The following RNF213 variants were observed in gnomAD, a reference collection of about 807,000 sequenced individuals.
The protein encoded by RNF213 is E3 ubiquitin-protein ligase RNF213.
Under a neutral mutation model 514.4 loss-of-function variants are expected in RNF213, and 341 were observed. The ratio of observed to expected loss-of-function variants is 0.66; its 90% CI spans 0.61 to 0.73. RNF213 has a LOEUF of 0.73. Ranked by LOEUF, RNF213 falls within the 30% of genes least tolerant of loss-of-function variation. The pLI, the probability that RNF213 is intolerant of heterozygous loss-of-function variation, is 0.00. For missense variants in RNF213, 5,767 were observed against 6,615.6 expected, an observed-to-expected ratio of 0.87 and a Z score of 4.45; for synonymous variants, 2,655 against 2,658.2, an observed-to-expected ratio of 1.00 and a Z score of 0.04.
Position 80,346,454 on chromosome 17 carries a change from A to G in RNF213, c.8119A>G (p.Ile2707Val), listed in dbSNP as rs767748357. 4 of 1,613,898 alleles carry G rather than the reference A, an allele frequency of 2.5e-6. No individual in the cohort carries two copies. The highest frequency in any genetic ancestry group is 2.5e-6 in the Non-Finnish European group (3 of 1,180,032). The change falls in exon 29 of 68, where the codon ATC becomes GTC. Residue 2707 changes from isoleucine to valine, a missense_variant. Coordinates refer to ENST00000582970, the MANE Select transcript of RNF213 (RefSeq NM_001256071.3). The surrounding 1 kb of genome is among the most constrained non-coding windows in gnomAD (Gnocchi z 8.1). ...LEKKDSYRKA[I>V]ARFFPKPYDD... is the part of the protein sequence containing the mutation. Reference sequence around the variant, plus strand: ...AAAGAAAGACTCATATCGGAAAGCCATCGCCAGGTTCTTTCCGAAACCGTA... The same window carrying G: ...AAAGAAAGACTCATATCGGAAAGCCGTCGCCAGGTTCTTTCCGAAACCGTA...
chr17:80,362,979 G>C (rs1372951376), intron 39 of RNF213, 123 bp from the exon 40 acceptor site: 1 of 953,352 alleles, frequency 1.0e-6, no homozygotes, highest in Non-Finnish European at 1.6e-6. Flanking sequence ...AAACGGGACA[G>C]AATAGCACAC....
chr17:80,309,816 C>T (rs981173266), intron 14 of RNF213, among the ~76,000 whole-genome samples: 1 of 151,902 alleles, frequency 6.6e-6, no homozygotes, highest in East Asian at 1.9e-4. Flanking sequence ...AGTGCAGTGG[C>T]GTGATCTCGG....
At chr17:80,293,927 G>C (rs1199392883) in intron 8 of RNF213, among the ~76,000 whole-genome samples, 1 of 152,134 alleles carries the variant, frequency 6.6e-6, no homozygotes, top group East Asian at 1.9e-4. Flanking sequence ...TGCAGGCCCT[G>C]CTGGGCCCAG....
chr17:80,294,741 T>C lies in RNF213; in HGVS notation c.1493T>C (p.Ile498Thr). ...GSGDWHQYYD[I>T]VYMKPHGRLQ... ...TTAGACTGGCATCAGTACTATGACA[T>C]AGTTTATATGAAGCCTCATGGGAGA... Residue 498 changes from isoleucine (I) to threonine (T), a missense_variant, in exon 9 of 68, where the codon ATA becomes ACA. Physicochemically the swap from Ile to Thr is moderately conservative, Grantham distance 89. Coordinates refer to ENST00000582970, the MANE Select transcript of RNF213 (RefSeq NM_001256071.3). 1 of 1,614,030 alleles carries C rather than the reference T, an allele frequency of 6.2e-7. No homozygotes were observed. Among genetic ancestry groups the C allele is most frequent in the Non-Finnish European group, 8.5e-7 (1 of 1,180,038 alleles).
Position 80,389,929 on chromosome 17 carries a change from C to T in RNF213, c.15285+12C>T. ...TGCGGCTGCACAAAGTAAGTCTGGT[C>T]TCTTCCTCTCTGCTGGACAGAGGGA... is the stretch of plus-strand genomic sequence containing the variant. On this transcript the variant is annotated intron_variant, in intron 66 of 67. Coordinates refer to ENST00000582970, the MANE Select transcript of RNF213 (RefSeq NM_001256071.3). The T allele has an allele frequency of 1.2e-6, 2 of 1,613,998 alleles. No homozygotes were observed. The highest frequency in any genetic ancestry group is 2.2e-5 in the East Asian group (1 of 44,886).
rs984578570 is a variant in RNF213, at chr17:80,264,167, G to A, written c.97+389G>A. The stretch of plus-strand genomic sequence containing the variant: ...TGAAAATTTTCAGTTTCATTTCCTA[G>A]AGAGAGCTCACGGTTTTTCTTCCCC... On this transcript the variant is annotated intron_variant, in intron 2 of 67. Coordinates refer to ENST00000582970, the MANE Select transcript of RNF213 (RefSeq NM_001256071.3). The surrounding 1 kb of genome is among the most constrained non-coding windows in gnomAD (Gnocchi z 5.0). 6.6e-6 allele frequency among the ~76,000 whole-genome samples: 1 copy of A among 152,222 alleles called. No homozygotes were observed. Among genetic ancestry groups the A allele is most frequent in the Non-Finnish European group, 1.5e-5 (1 of 68,042 alleles).
At chr17:80,276,924 GCGTATGCCTGTAATCC>G (rs1324970673) in intron 3 of RNF213, among the ~76,000 whole-genome samples, 1 of 152,018 alleles carries the variant, frequency 6.6e-6, no homozygotes, top group Non-Finnish European at 1.5e-5. Flanking sequence ...GGGCGTGGTG[GCGTATGCCTGTAATCC>G]CAGCTACTTG....
intron 15 of RNF213, among the ~76,000 whole-genome samples, chr17:80,313,965 GTGGAGGTAC>G (rs1177935616): frequency 4.1e-5 from 1 of 24,550 alleles, no homozygotes; most frequent in African/African-American, 1.5e-4. Flanking sequence ...GGAGGTGATG[GTGGAGGTAC>G]TGGAGGTGAT....
chr17:80,324,979 C>T, intron 17 of RNF213, 51 bp from the exon 18 acceptor site: 1 of 1,504,380 alleles, frequency 6.6e-7, no homozygotes, highest in Non-Finnish European at 8.9e-7. Context: ...TATTTCAAAA[C>T]AAACTAATGA....
intron 44 of RNF213, 72 bp from the exon 45 acceptor site, chr17:80,369,430 A>C: frequency 7.2e-7 from 1 of 1,397,306 alleles, no homozygotes; most frequent in Non-Finnish European, 1.0e-6. Context: ...ATGCTGTGCA[A>C]ATCTCAAGTC....
intron 3 of RNF213, among the ~76,000 whole-genome samples, chr17:80,275,889 C>G (rs949896311): frequency 6.6e-6 from 1 of 151,540 alleles, no homozygotes; most frequent in Non-Finnish European, 1.5e-5. Flanking sequence ...GTCTCGATCT[C>G]CTGACCTTGT....
chr17:80,371,961 C>T lies in RNF213; in HGVS notation c.12513C>T (p.Tyr4171=), dbSNP rs1418248904. 1 of 1,588,598 alleles carries T rather than the reference C, an allele frequency of 6.3e-7. No individual in the cohort carries two copies. Among genetic ancestry groups the T allele is most frequent in the Non-Finnish European group, 8.6e-7 (1 of 1,156,724 alleles). ...AFITEDKTEL[Y]MLFINCLEDS... ...TAACTGAAGATAAAACTGAACTGTA[C>T]ATGCTCTTCATCAACTGCCTGGAGG... The change falls in exon 47 of 68, where the codon TAC becomes TAT. Residue 4171 remains tyrosine, a synonymous_variant. Coordinates refer to ENST00000582970, the MANE Select transcript of RNF213 (RefSeq NM_001256071.3).
rs866751039 is a variant in RNF213 at position 80,340,056 on chromosome 17, G to A, written c.5689G>A (p.Ala1897Thr). 7.0e-6 allele frequency: 11 copies of A among 1,569,790 alleles called. No individual in the cohort carries two copies. Among genetic ancestry groups the A allele is most frequent in the Non-Finnish European group, 9.5e-6 (11 of 1,161,770 alleles). Residue 1897 changes from alanine (A) to threonine (T), a missense_variant, in exon 26 of 68, where the codon GCA (alanine) becomes ACA (threonine). By Grantham distance (58) the Ala-to-Thr change is moderately conservative. Around this residue, in one of 13 missense-constraint regions of RNF213, gnomAD observed 1,377 missense variants for 1,635.2 expected, o/e 0.84. Coordinates refer to ENST00000582970, the MANE Select transcript of RNF213 (RefSeq NM_001256071.3). ...LGHKVYSLLFADQLSYEVARQ... is the reference protein window; with the variant it reads ...LGHKVYSLLFTDQLSYEVARQ... ...GCACAAGGTCTACAGCCTGCTGTTC[G>A]CAGATCAGCTGAGCTACGAGGTGGC...
intron 3 of RNF213, among the ~76,000 whole-genome samples, chr17:80,277,006 G>A (rs962185624): frequency 2.0e-5 from 3 of 151,766 alleles, no homozygotes; most frequent in Admixed American, 6.6e-5. Context: ...TCAGTGAGCC[G>A]AGATCGCACC....
intron 6 of RNF213, 39 bp downstream of exon 6, chr17:80,289,876 C>G: frequency 6.4e-7 from 1 of 1,569,020 alleles, no homozygotes; most frequent in Non-Finnish European, 8.7e-7. Context: ...GAGACCCTGC[C>G]TGAGAGCCCG....
At chr17:80,301,833 C>T (rs1222201520) in intron 11 of RNF213, among the ~76,000 whole-genome samples, 1 of 152,214 alleles carries the variant, frequency 6.6e-6, no homozygotes, top group East Asian at 1.9e-4. Context: ...GATAGCTGCA[C>T]TCCTATATTT....
At chr17:80,309,685 A>G (rs2045497831) in intron 14 of RNF213, among the ~76,000 whole-genome samples, 1 of 152,010 alleles carries the variant, frequency 6.6e-6, no homozygotes, top group Non-Finnish European at 1.5e-5. Context: ...TGATGGCAGG[A>G]TGACCCGGCT....
Position 80,289,844 on chromosome 17 carries a change from A to G in RNF213, c.1112+7A>G. On this transcript the variant is annotated splice_region_variant and intron_variant, in intron 6 of 67. Transcript: ENST00000582970. ...TCCAGGAAGTGAAGGCAAGGTAGGG[A>G]TGCCCCCGCAGGGGAGCAAAGGAGA... The G allele has an allele frequency of 3.1e-6, 5 of 1,605,188 alleles. No individual in the cohort carries two copies. The highest frequency in any genetic ancestry group is 4.3e-6 in the Non-Finnish European group (5 of 1,176,168).
chr17:80,382,920 C>A, intron 57 of RNF213, 59 bp from the exon 58 acceptor site: 1 of 1,004,770 alleles, frequency 1.0e-6, no homozygotes, highest in Non-Finnish European at 1.6e-6. Context: ...GTTTATTATA[C>A]GCAGACTGCT....
Sources: gnomAD v4.1 joint callset for allele counts (sites outside exome capture counted in the v4.1 genomes callset) on GRCh38, gnomAD v4.1.1 for gene constraint, gnomAD v4.1.1 regional missense constraint, Gnocchi (gnomAD v3.1) non-coding constraint, MANE v1.5 for transcripts, NCBI Gene and HGNC (gene_info 2026-07-23, HGNC 2026-07-21) for gene names.